DHTKD1: variants seen among roughly 807,000 people sequenced by gnomAD.
DHTKD1 encodes 2-oxoadipate dehydrogenase complex component E1.
DHTKD1 carries 78 observed loss-of-function variants against 101.8 expected under a neutral mutation model. The ratio of observed to expected loss-of-function variants is 0.77; its 90% CI spans 0.64 to 0.93. The LOEUF is 0.93. Among genes scored for constraint, DHTKD1 ranks in the 40% least tolerant of loss-of-function variants. The pLI is 0.00. For missense variants in DHTKD1, 1,223 were observed against 1,161.7 expected, an observed-to-expected ratio of 1.05 and a Z score of -0.77; for synonymous variants, 462 against 450.3, an observed-to-expected ratio of 1.03 and a Z score of -0.33.
At chr10:12,095,504 C>A (rs985861774) in intron 7 of DHTKD1, among the ~76,000 whole-genome samples, 5 of 151,294 alleles carry the variant, frequency 3.3e-5, no homozygotes, top group African/African-American at 7.3e-5. Flanking sequence ...ATGGTGAAAC[C>A]CCATCTCTAC....
chr10:12,096,576 A>G (rs1299535003), intron 7 of DHTKD1, among the ~76,000 whole-genome samples: 1 of 152,080 alleles, frequency 6.6e-6, no homozygotes, highest in Non-Finnish European at 1.5e-5. Context: ...GCGTTACCCA[A>G]GCTGGTCTCG....
intron 1 of DHTKD1, among the ~76,000 whole-genome samples, chr10:12,070,656 T>A (rs1198255568): frequency 6.6e-6 from 1 of 152,092 alleles, no homozygotes; most frequent in African/African-American, 2.4e-5. Context: ...GCCCAGCTAA[T>A]TTTTGTATTT....
In DHTKD1 at chr10:12,091,997, G is replaced by C. The variant is rs371008422; in HGVS notation, c.1159+313G>C. ...TTTTTTTTTTTTTTTTTTTTAGATG[G>C]AGTCTTGCTCTGTTGCCCTTTCCAG... On this transcript the variant is annotated intron_variant, in intron 6 of 16. Coordinates refer to ENST00000263035, the MANE Select transcript of DHTKD1 (RefSeq NM_018706.7). 2.7e-5 allele frequency among the ~76,000 whole-genome samples: 4 copies of C among 148,298 alleles called. No homozygotes were observed. The Admixed American group carries it at 2.7e-4, about 10-fold the overall frequency.
At chr10:12,077,889 G>A (rs922171022) in intron 1 of DHTKD1, among the ~76,000 whole-genome samples, 4 of 152,006 alleles carry the variant, frequency 2.6e-5, no homozygotes, top group African/African-American at 9.7e-5. Flanking sequence ...GACAGAGAGG[G>A]AAGGGGTTGG....
intron 12 of DHTKD1, among the ~76,000 whole-genome samples, chr10:12,112,347 C>T (rs565658370): frequency 6.6e-6 from 1 of 152,122 alleles, no homozygotes; most frequent in African/African-American, 2.4e-5. Flanking sequence ...ATTTTGTCAA[C>T]TCTCTTTCTT....
intron 14 of DHTKD1, among the ~76,000 whole-genome samples, chr10:12,118,268 G>A (rs1833451117): frequency 6.6e-6 from 1 of 151,986 alleles, no homozygotes; most frequent in East Asian, 1.9e-4. Context: ...GGCGCATGTT[G>A]CTGAAGAAGG....
intron 15 of DHTKD1, among the ~76,000 whole-genome samples, chr10:12,119,341 C>T (rs536053516): frequency 3.5e-4 from 53 of 150,212 alleles, no homozygotes; most frequent in South Asian, 6.3e-4. Flanking sequence ...ACAGGCGGGG[C>T]GCGGTGCCTC....
chr10:12,073,186 C>G (rs567191888), intron 1 of DHTKD1, among the ~76,000 whole-genome samples: 1 of 151,968 alleles, frequency 6.6e-6, no homozygotes, highest in Admixed American at 6.6e-5. Context: ...GCATATGCCA[C>G]CCCGCCCAGC....
At chr10:12,102,346 C>G (rs1204896303) in intron 10 of DHTKD1, among the ~76,000 whole-genome samples, 8 of 151,260 alleles carry the variant, frequency 5.3e-5, no homozygotes, top group Non-Finnish European at 5.9e-5. Context: ...ATCGCTTGAA[C>G]CCAGGAGGCG....
At chr10:12,074,804 G>A (rs1588600304) in intron 1 of DHTKD1, among the ~76,000 whole-genome samples, 1 of 152,042 alleles carries the variant, frequency 6.6e-6, no homozygotes, top group African/African-American at 2.4e-5. Flanking sequence ...GGAGGCAGAG[G>A]TGGTATAAGA....
chr10:12,071,845 C>T (rs560581075), intron 1 of DHTKD1, among the ~76,000 whole-genome samples: 1 of 152,230 alleles, frequency 6.6e-6, no homozygotes, highest in South Asian at 2.1e-4. Context: ...ATTTATACTT[C>T]CTAAGGAATG....
chr10:12,075,943 C>CA (rs60158039), intron 1 of DHTKD1, among the ~76,000 whole-genome samples: 21,591 of 132,658 alleles, frequency 0.16, 1,825 homozygotes, highest in East Asian at 0.22. Flanking sequence ...GACTCTGTCT[C>CA]AAAAAAAAAA....
chr10:12,092,040 A>T (rs1832998819), intron 6 of DHTKD1, among the ~76,000 whole-genome samples: 1 of 145,840 alleles, frequency 6.9e-6, no homozygotes, highest in Admixed American at 7.1e-5. Flanking sequence ...TCCATGCTGG[A>T]GTACGTGATC....
At chr10:12,081,668 A>G in intron 2 of DHTKD1, 41 bp downstream of exon 2, 1 of 1,609,856 alleles carries the variant, frequency 6.2e-7, no homozygotes, top group Non-Finnish European at 8.5e-7. Flanking sequence ...GGAGCTGCAC[A>G]CCAGGCCAGG....
In DHTKD1 at chr10:12,120,352, G is replaced by GAGAC. The variant is rs1368171293; in HGVS notation, c.2658+89_2658+92dup. ...CTTTCTTTCTTTCTTTTTTTTTTTT[G>GAGAC]AGACAGAGTCTCACTCTGTTGCCCA... On this transcript the variant is annotated intron_variant, in intron 16 of 16. Coordinates refer to ENST00000263035, the MANE Select transcript of DHTKD1 (RefSeq NM_018706.7). 9 of 1,033,562 alleles carry GAGAC rather than the reference G, an allele frequency of 8.7e-6. No individual in the cohort carries two copies. The African/African-American group carries it at 1.2e-4, about 13-fold the overall frequency. 64.0% of individuals were successfully genotyped at this position (1,033,562 alleles called of 1,614,324 possible). A position where few individuals can be genotyped will look rare whatever the true frequency, so the allele number is the denominator to read the frequency against.
At chr10:12,082,270 T>C (rs1280111845) in intron 2 of DHTKD1, among the ~76,000 whole-genome samples, 1 of 152,206 alleles carries the variant, frequency 6.6e-6, no homozygotes, top group African/African-American at 2.4e-5. Context: ...ATATGACTCA[T>C]AGCTGCTCAG....
chr10:12,074,843 A>T (rs1428173354), intron 1 of DHTKD1, among the ~76,000 whole-genome samples: 1 of 152,118 alleles, frequency 6.6e-6, no homozygotes, highest in Non-Finnish European at 1.5e-5. Flanking sequence ...GGCAATCCCC[A>T]TTCCCATTGC....
At chr10:12,100,848 A>G (rs111977549) in intron 9 of DHTKD1, among the ~76,000 whole-genome samples, 194 bp from the exon 10 acceptor site, 5 of 152,186 alleles carry the variant, frequency 3.3e-5, no homozygotes, top group African/African-American at 1.2e-4. Flanking sequence ...TGCAGGGCAC[A>G]TGATACCTCT....
intron 1 of DHTKD1, among the ~76,000 whole-genome samples, chr10:12,078,827 A>G (rs1008929895): frequency 1.3e-4 from 19 of 151,954 alleles, no homozygotes; most frequent in East Asian, 3.9e-4. Context: ...ACCACACCCG[A>G]CTAATTTTTG....
Sources: gnomAD v4.1 joint callset for allele counts (sites outside exome capture counted in the v4.1 genomes callset) on GRCh38, gnomAD v4.1.1 for gene constraint, MANE v1.5 for transcripts, NCBI Gene and HGNC (gene_info 2026-07-23, HGNC 2026-07-21) for gene names.